Variants in PXDNL observed in about 807,000 individuals in gnomAD.
The protein encoded by PXDNL is peroxidasin like.
In PXDNL, 145 loss-of-function variants were observed where a neutral mutation model predicts 150.8. The observed-to-expected ratio is 0.96, with a 90% confidence interval of 0.84 to 1.10. PXDNL has a LOEUF of 1.10. PXDNL is among the 50% of genes least tolerant of loss of function. The pLI is 0.00. For missense variants in PXDNL, 2,087 were observed against 1,873.9 expected, an observed-to-expected ratio of 1.11 and a Z score of -2.10; for synonymous variants, 757 against 725.7, an observed-to-expected ratio of 1.04 and a Z score of -0.69.
In PXDNL at chr8:51,533,640, C is replaced by T. The variant is rs529735728; in HGVS notation, c.380+23200G>A. On this transcript the variant is annotated intron_variant, in intron 4 of 22. Coordinates refer to ENST00000356297, the MANE Select transcript of PXDNL (RefSeq NM_144651.5). Reference sequence around the variant, plus strand: ...TGCCGAGTGCCTGCGGACGCCGCCACGCCTGACTGGTTTTCGTTTTTTTTT... The same window carrying T: ...TGCCGAGTGCCTGCGGACGCCGCCATGCCTGACTGGTTTTCGTTTTTTTTT... 5.4e-4 allele frequency among the ~76,000 whole-genome samples: 82 copies of T among 150,592 alleles called. 5 individuals are homozygous for T. The highest frequency in any genetic ancestry group is 1.9e-3 in the African/African-American group (76 of 40,406).
chr8:51,621,458 G>C (rs1046096187), intron 2 of PXDNL, among the ~76,000 whole-genome samples: 1 of 124,070 alleles, frequency 8.1e-6, no homozygotes, highest in Middle Eastern at 3.5e-3. Flanking sequence ...CTGTGTGTGT[G>C]TGTGTGTGTG....
chr8:51,596,582 A>G (rs183507932), intron 2 of PXDNL, among the ~76,000 whole-genome samples: 1 of 152,210 alleles, frequency 6.6e-6, no homozygotes, highest in East Asian at 1.9e-4. Context: ...TTACTTTTTA[A>G]TAATAGCCAT....
intron 17 of PXDNL, among the ~76,000 whole-genome samples, chr8:51,380,691 A>G (rs1006808779): frequency 4.6e-5 from 7 of 152,188 alleles, no homozygotes; most frequent in Admixed American, 3.3e-4. Context: ...TTTCAATACA[A>G]TTTTGAAGTT....
chr8:51,637,445 A>C (rs1370268094), intron 2 of PXDNL, among the ~76,000 whole-genome samples: 1 of 152,202 alleles, frequency 6.6e-6, no homozygotes, highest in Non-Finnish European at 1.5e-5. Flanking sequence ...AGAAGCCAAA[A>C]ACCTTGAAAA....
chr8:51,586,328 G>T (rs1167600986), intron 3 of PXDNL, among the ~76,000 whole-genome samples: 2 of 152,156 alleles, frequency 1.3e-5, no homozygotes, highest in African/African-American at 2.4e-5. Context: ...TGTGAAAAAA[G>T]TCATTCTAGA....
chr8:51,414,716 A>C (rs1314315302), intron 14 of PXDNL, among the ~76,000 whole-genome samples: 1 of 152,228 alleles, frequency 6.6e-6, no homozygotes, highest in Non-Finnish European at 1.5e-5. Flanking sequence ...AATAAATGAC[A>C]CAAATAGCTG....
intron 4 of PXDNL, among the ~76,000 whole-genome samples, chr8:51,509,828 A>G (rs777492983): frequency 2.6e-5 from 4 of 151,272 alleles, no homozygotes; most frequent in African/African-American, 7.3e-5. Flanking sequence ...GTGTGTGTGT[A>G]TATACCGATT....
chr8:51,443,332 A>G (rs1451678744), intron 12 of PXDNL, among the ~76,000 whole-genome samples: 2 of 152,192 alleles, frequency 1.3e-5, no homozygotes, highest in Non-Finnish European at 2.9e-5. Flanking sequence ...GATACGAAAA[A>G]AGCCAGCTCT....
intron 2 of PXDNL, among the ~76,000 whole-genome samples, chr8:51,643,219 G>A (rs1193869488): frequency 6.6e-6 from 1 of 152,104 alleles, no homozygotes; most frequent in Non-Finnish European, 1.5e-5. Context: ...AACCAAAAAA[G>A]AGCCCACATT....
intron 3 of PXDNL, among the ~76,000 whole-genome samples, chr8:51,572,613 T>C (rs1223498233): frequency 1.3e-5 from 2 of 151,914 alleles, no homozygotes; most frequent in Non-Finnish European, 2.9e-5. Flanking sequence ...GAAAAAATTC[T>C]AGAAATGGAT....
intron 4 of PXDNL, among the ~76,000 whole-genome samples, chr8:51,506,822 G>T (rs1489033971): frequency 2.6e-5 from 4 of 152,062 alleles, no homozygotes; most frequent in African/African-American, 9.7e-5. Context: ...ACTGTCTTTA[G>T]CAGGAATTCA....
intron 5 of PXDNL, among the ~76,000 whole-genome samples, chr8:51,492,938 T>A (rs1425589951): frequency 6.6e-6 from 1 of 152,122 alleles, no homozygotes; most frequent in African/African-American, 2.4e-5. Context: ...AGAGTAGTGG[T>A]TCTCCCAGCA....
chr8:51,519,898 C>G (rs1034467915), intron 4 of PXDNL, among the ~76,000 whole-genome samples: 1 of 152,152 alleles, frequency 6.6e-6, no homozygotes, highest in African/African-American at 2.4e-5. Flanking sequence ...TGAGCCATCC[C>G]TAAATCTGAA....
At chr8:51,623,462 C>G (rs1814298280) in intron 2 of PXDNL, among the ~76,000 whole-genome samples, 2 of 152,240 alleles carry the variant, frequency 1.3e-5, no homozygotes, top group African/African-American at 4.8e-5. Context: ...CTGTTTCACT[C>G]TCCACCTAGA....
intron 3 of PXDNL, among the ~76,000 whole-genome samples, chr8:51,558,004 T>C (rs1812632640): frequency 2.0e-5 from 3 of 152,144 alleles, no homozygotes; most frequent in Non-Finnish European, 4.4e-5. Context: ...AAGATTTTGC[T>C]TTTACTCCAA....
chr8:51,556,263 C>T (rs1812597720), intron 4 of PXDNL, among the ~76,000 whole-genome samples: 1 of 143,056 alleles, frequency 7.0e-6, no homozygotes, highest in African/African-American at 2.7e-5. Context: ...GACTCTGCCT[C>T]AAAAATAATA....
In PXDNL at chr8:51,371,900, G is replaced by A; in HGVS notation, c.3874C>T (p.Leu1292=). 2 of 1,613,932 alleles carry A rather than the reference G, an allele frequency of 1.2e-6. No homozygotes were observed. The highest frequency in any genetic ancestry group is 1.1e-5 in the South Asian group (1 of 91,056). Residue 1292 remains leucine (L), a synonymous_variant, in exon 19 of 23, where the codon CTG becomes TTG. Coordinates refer to ENST00000356297, the MANE Select transcript of PXDNL (RefSeq NM_144651.5). ...LNCSEIPKVD[L]RVWQDCCADC... ...GCACAGCAGTCTTGCCACACTCGCA[G>A]GTCCACCTTCGGGATCTCGCTGCAG... is the stretch of plus-strand genomic sequence containing the variant.
chr8:51,788,691 C>T (rs991199691), intron 1 of PXDNL, among the ~76,000 whole-genome samples: 24 of 152,192 alleles, frequency 1.6e-4, no homozygotes, highest in African/African-American at 5.5e-4. Context: ...CACTACTGCT[C>T]AGGACCACCT....
chr8:51,539,580 AGTTTT>A (rs1312084775), intron 4 of PXDNL, among the ~76,000 whole-genome samples: 1 of 151,992 alleles, frequency 6.6e-6, no homozygotes, highest in Non-Finnish European at 1.5e-5. Context: ...TTGGGTGTAG[AGTTTT>A]GTTTTGTTTT....
Sources: gnomAD v4.1 joint callset for allele counts (sites outside exome capture counted in the v4.1 genomes callset) on GRCh38, gnomAD v4.1.1 for gene constraint, MANE v1.5 for transcripts, NCBI Gene and HGNC (gene_info 2026-07-23, HGNC 2026-07-21) for gene names.